Variants in RP1 observed in about 807,000 individuals in gnomAD.
The protein encoded by RP1 is RP1 axonemal microtubule associated, also known as oxygen-regulated protein 1.
A neutral mutation model predicts 14.8 loss-of-function variants in RP1; 16 were observed. That is an observed-to-expected ratio of 1.08 (90% confidence interval 0.73 to 1.65). The LOEUF (loss-of-function observed/expected upper bound fraction) is 1.65. Ranked by LOEUF, RP1 falls within the 40% of genes most tolerant of loss-of-function variation. RP1 has a pLI of 0.00. For synonymous variants in RP1, 876 were observed against 883.6 expected (o/e 0.99, Z 0.15); for missense variants, 2,631 against 2,535.0 (o/e 1.04, Z -0.81).
rs575178555 is a variant in RP1, at chr8:54,665,310, A to AGACT, written c.1323+1462_1323+1465dup. 5.3e-5 allele frequency among the ~76,000 whole-genome samples: 8 copies of AGACT among 152,218 alleles called. No homozygotes were observed. The South Asian group carries it at 1.7e-3, about 32-fold the overall frequency. On this transcript the variant is annotated intron_variant, in intron 7 of 22. Transcript: ENST00000636932. The stretch of plus-strand genomic sequence containing the variant: ...GACAGCCACCTCTCCCAAACTTGTG[A>AGACT]GACTGGCTTCATGTAGGAAATAGAC...
rs753173264 is a variant in RP1 at position 54,626,944 on chromosome 8, A to C, written c.3062A>C (p.His1021Pro). ...SLNDAYLVPL[H>P]EHCTLSQSAI... is the part of the protein sequence containing the mutation. ...AATGATGCTTATTTGGTTCCCCTGC[A>C]TGAACACTGTACTTTGTCACAGTCA... The change falls in exon 4 of 4, where the codon CAT becomes CCT. Residue 1021 changes from histidine to proline, a missense_variant. Physicochemically the swap from His to Pro is moderately conservative, Grantham distance 77. Transcript: ENST00000220676. The C allele has an allele frequency of 3.1e-6, 5 of 1,613,992 alleles. No homozygotes were observed. Among genetic ancestry groups the C allele is most frequent in the Non-Finnish European group, 4.2e-6 (5 of 1,179,972 alleles).
At chr8:54,812,762 C>CTATCT (rs1554535887) in intron 24 of RP1, among the ~76,000 whole-genome samples, 25 of 145,164 alleles carry the variant, frequency 1.7e-4, no homozygotes, top group Non-Finnish European at 3.3e-4. Flanking sequence ...ATCTATCTAT[C>CTATCT]ATCTATCTAT....
chr8:54,729,391 T>C (rs1315716924), intron 17 of RP1, among the ~76,000 whole-genome samples: 3 of 152,168 alleles, frequency 2.0e-5, no homozygotes, highest in Non-Finnish European at 4.4e-5. Context: ...TTCCTAAATA[T>C]GTTTAGGTGC....
chr8:54,748,527 A>G (rs1227194029), intron 19 of RP1, among the ~76,000 whole-genome samples: 1 of 152,362 alleles, frequency 6.6e-6, no homozygotes, highest in Non-Finnish European at 1.5e-5. Flanking sequence ...AGTCCTTGAT[A>G]ACAAATAGGG....
intron 22 of RP1, among the ~76,000 whole-genome samples, chr8:54,760,908 G>A (rs560437076): frequency 3.4e-4 from 52 of 152,166 alleles, no homozygotes; most frequent in African/African-American, 1.2e-3. Context: ...TCAGAACTTA[G>A]CACAGCACAG....
intron 24 of RP1, among the ~76,000 whole-genome samples, chr8:54,823,655 AAT>A (rs1027440062): frequency 6.6e-6 from 1 of 152,136 alleles, no homozygotes; most frequent in Non-Finnish European, 1.5e-5. Flanking sequence ...ATTGCTGAGT[AAT>A]ATTTTATGGT....
chr8:54,627,425 T>C lies in RP1; in HGVS notation c.3543T>C (p.Ala1181=). ...AITEEADDLK[A]AVANLVESTT... is the part of the protein sequence containing the mutation. Reference sequence around the variant, plus strand: ...CAGAGGAAGCTGATGACTTGAAAGCTGCTGTTGCCAATTTAGTGGAGTCAA... The same window carrying C: ...CAGAGGAAGCTGATGACTTGAAAGCCGCTGTTGCCAATTTAGTGGAGTCAA... The change falls in exon 4 of 4, where the codon GCT becomes GCC. Residue 1181 remains alanine, a synonymous_variant. Coordinates refer to ENST00000220676, the MANE Select transcript of RP1 (RefSeq NM_006269.2). 6.2e-7 allele frequency: 1 copy of C among 1,614,194 alleles called. No homozygotes were observed. Among genetic ancestry groups the C allele is most frequent in the Non-Finnish European group, 8.5e-7 (1 of 1,179,998 alleles).
chr8:54,845,838 C>T (rs1054302747), intron 25 of RP1, among the ~76,000 whole-genome samples: 1 of 152,338 alleles, frequency 6.6e-6, no homozygotes, highest in East Asian at 1.9e-4. Context: ...CTCAGTACTT[C>T]TTTGCTCATG....
intron 8 of RP1, among the ~76,000 whole-genome samples, chr8:54,674,772 A>G (rs1236531787): frequency 1.3e-5 from 2 of 152,166 alleles, no homozygotes; most frequent in Non-Finnish European, 2.9e-5. Context: ...AATATGACCA[A>G]TATTCTATAG....
Position 54,580,809 on chromosome 8 carries a change from G to T in RP1, c.-13+21489G>T, listed in dbSNP as rs182423583. 5.9e-5 allele frequency among the ~76,000 whole-genome samples: 9 copies of T among 151,722 alleles called. No homozygotes were observed. The East Asian group carries it at 1.8e-3, about 30-fold the overall frequency. ...AATTTTTGTATTTTTAGTAGAGACGGGGTTTCTCCATATTGGCCAGGCTGG... is the reference window on the plus strand; with the variant it reads ...AATTTTTGTATTTTTAGTAGAGACGTGGTTTCTCCATATTGGCCAGGCTGG... On this transcript the variant is annotated intron_variant, in intron 1 of 22. Transcript: ENST00000636932.
At chr8:54,839,323 A>T (rs886220727) in intron 25 of RP1, among the ~76,000 whole-genome samples, 1 of 152,162 alleles carries the variant, frequency 6.6e-6, no homozygotes, top group South Asian at 2.1e-4. Context: ...TTACCATCCC[A>T]TCATCTTTAA....
rs565560204 is a variant in RP1, at chr8:54,624,547, A to G, written c.788-123A>G. 34 of 884,230 alleles carry G rather than the reference A, an allele frequency of 3.8e-5. No homozygotes were observed. The South Asian group carries it at 4.8e-4, about 12-fold the overall frequency. 54.8% of individuals were successfully genotyped at this position (884,230 alleles called of 1,614,324 possible). A position where few individuals can be genotyped will look rare whatever the true frequency, so the allele number is the denominator to read the frequency against. ...AAATACAGAAAATATGCTACTTTTC[A>G]TACTAATCATTTCCCCTTTTCTCTT... On this transcript the variant is annotated intron_variant, in intron 3 of 3. Coordinates refer to ENST00000220676, the MANE Select transcript of RP1 (RefSeq NM_006269.2).
At chr8:54,753,423 G>T (rs974875304) in intron 19 of RP1, among the ~76,000 whole-genome samples, 2 of 152,160 alleles carry the variant, frequency 1.3e-5, no homozygotes, top group Admixed American at 1.3e-4. Flanking sequence ...AGGCTGCCAT[G>T]GATCACAAAG....
At chr8:54,727,073 C>A (rs1808674680) in intron 17 of RP1, among the ~76,000 whole-genome samples, 1 of 151,900 alleles carries the variant, frequency 6.6e-6, no homozygotes, top group African/African-American at 2.4e-5. Flanking sequence ...TTTTTTAAAA[C>A]CCGTCTTGGG....
intron 1 of RP1, among the ~76,000 whole-genome samples, chr8:54,619,963 G>A (rs987951035): frequency 2.6e-5 from 4 of 152,032 alleles, no homozygotes; most frequent in Non-Finnish European, 4.4e-5. Context: ...TTATTGTCAG[G>A]ATATGAAGGA....
At chr8:54,611,195 C>T (rs542926157), upstream of RP1, among the ~76,000 whole-genome samples, 10 of 152,244 alleles carry the variant, frequency 6.6e-5, no homozygotes, top group East Asian at 1.4e-3. Context: ...GTTCATCCTA[C>T]GTGTAGTTCA....
At chr8:54,710,603 C>A (rs1808273481) in intron 15 of RP1, among the ~76,000 whole-genome samples, 1 of 152,126 alleles carries the variant, frequency 6.6e-6, no homozygotes, top group Non-Finnish European at 1.5e-5. Context: ...GTCACATGGA[C>A]AAATTGAAGG....
intron 24 of RP1, among the ~76,000 whole-genome samples, chr8:54,814,856 A>G (rs111973470): frequency 2.6e-4 from 40 of 152,310 alleles, no homozygotes; most frequent in African/African-American, 9.6e-4. Flanking sequence ...ACCAACATGC[A>G]CACACTCTCT....
intron 22 of RP1, among the ~76,000 whole-genome samples, chr8:54,764,659 G>A (rs1372850802): frequency 6.6e-6 from 1 of 152,144 alleles, no homozygotes; most frequent in Non-Finnish European, 1.5e-5. Context: ...TTCTGAAATA[G>A]AAGGGAACTA....
Sources: allele counts gnomAD v4.1 joint callset (sites outside exome capture counted in the v4.1 genomes callset), GRCh38; gene constraint gnomAD v4.1.1; transcripts MANE v1.5; gene names NCBI Gene and HGNC (gene_info 2026-07-23, HGNC 2026-07-21).